CSMD1: variants seen among roughly 807,000 people sequenced by gnomAD.
CSMD1 encodes CUB and Sushi multiple domains 1.
Under a neutral mutation model 417.5 loss-of-function variants are expected in CSMD1, and 213 were observed. The ratio of observed to expected loss-of-function variants is 0.51; its 90% CI spans 0.46 to 0.57. The LOEUF (loss-of-function observed/expected upper bound fraction) is 0.57, where lower values mean the gene tolerates loss of function less well. Ranked by LOEUF, CSMD1 falls within the 20% of genes least tolerant of loss-of-function variation. The pLI is 0.00. For synonymous variants in CSMD1, 2,862 were observed against 1,736.8 expected (o/e 1.65, Z -16.11); for missense variants, 6,923 against 4,529.7 (o/e 1.53, Z -15.17).
rs1438996997 is a variant in CSMD1 at position 3,439,165 on chromosome 8, A to C, written c.1561+29547T>G. 3.5e-5 allele frequency among the ~76,000 whole-genome samples: 5 copies of C among 142,710 alleles called. No homozygotes were observed. In the South Asian group the frequency reaches 6.6e-4, roughly 19 times the overall value. The allele number at this position is 142,710 out of a possible 152,430, so 93.6% of individuals were successfully genotyped here. On this transcript the variant is annotated intron_variant, in intron 12 of 69. Transcript: ENST00000635120. Reference sequence around the variant, plus strand: ...AAAAAAAAAAAAACCAAGAAAAAAAAAAGAAAAAGAAAAAAATTGCCAAAC... The same window carrying C: ...AAAAAAAAAAAAACCAAGAAAAAAACAAGAAAAAGAAAAAAATTGCCAAAC...
intron 2 of CSMD1, among the ~76,000 whole-genome samples, chr8:4,423,031 C>T (rs1284393866): frequency 6.6e-6 from 1 of 151,874 alleles, no homozygotes; most frequent in Non-Finnish European, 1.5e-5. Flanking sequence ...TCTTCTCCAA[C>T]TTGACAAAGA....
At chr8:3,733,195 ACACACACACACT>A (rs1236734793) in intron 6 of CSMD1, among the ~76,000 whole-genome samples, 6 of 147,436 alleles carry the variant, frequency 4.1e-5, no homozygotes, top group African/African-American at 1.3e-4. Context: ...ACACACACAC[ACACACACACACT>A]CTCTCTCTCT....
chr8:3,709,074 G>A (rs747902240), intron 6 of CSMD1, among the ~76,000 whole-genome samples: 1 of 151,792 alleles, frequency 6.6e-6, no homozygotes, highest in African/African-American at 2.4e-5. Context: ...AGAGGTCCTG[G>A]CTTCTAGCAT....
intron 7 of CSMD1, among the ~76,000 whole-genome samples, chr8:3,644,986 A>T (rs988248335): frequency 6.6e-6 from 1 of 151,388 alleles, no homozygotes; most frequent in African/African-American, 2.4e-5. Flanking sequence ...AAAAAAAAAA[A>T]AAAAAGTCAA....
intron 23 of CSMD1, among the ~76,000 whole-genome samples, chr8:3,340,947 C>A (rs1483372281): frequency 1.3e-5 from 2 of 152,150 alleles, no homozygotes; most frequent in Non-Finnish European, 2.9e-5. Flanking sequence ...CCAATCCTCT[C>A]CAATATTTCT....
chr8:4,199,097 C>T (rs1799503729), intron 3 of CSMD1, among the ~76,000 whole-genome samples: 1 of 152,148 alleles, frequency 6.6e-6, no homozygotes, highest in Admixed American at 6.5e-5. Flanking sequence ...GCCCAGCTCA[C>T]CCTGAGCTTC....
At chr8:4,318,722 A>T (rs1031625416) in intron 3 of CSMD1, among the ~76,000 whole-genome samples, 4 of 151,830 alleles carry the variant, frequency 2.6e-5, no homozygotes, top group African/African-American at 9.7e-5. Flanking sequence ...TCAAAAAAAA[A>T]AAAAAGCCAC....
intron 36 of CSMD1, 61 bp downstream of exon 36, chr8:3,187,808 T>C (rs1796150966): frequency 8.2e-7 from 1 of 1,223,002 alleles, no homozygotes; most frequent in Non-Finnish European, 1.2e-6. Flanking sequence ...GTTATTTATG[T>C]TGTTTTCTTG....
At chr8:4,191,265 A>C (rs1451870151) in intron 3 of CSMD1, among the ~76,000 whole-genome samples, 1 of 151,948 alleles carries the variant, frequency 6.6e-6, no homozygotes, top group Non-Finnish European at 1.5e-5. Flanking sequence ...GCATGGTGGC[A>C]GGCACCTGTA....
At chr8:4,927,184 G>A (rs974694363) in intron 1 of CSMD1, among the ~76,000 whole-genome samples, 1 of 151,048 alleles carries the variant, frequency 6.6e-6, no homozygotes, top group Admixed American at 6.6e-5. Flanking sequence ...TCAGCTCAGG[G>A]CAATCTCCAC....
At position 4,100,830 on chromosome 8, in the gene CSMD1, A is replaced by C. The variant is rs1563124208; in HGVS notation, c.416-68731T>G. ...AAAGTTAAAAGTTAAACATGTATAAACTGTAAAAGCAAGAGCCTCAGAGAC... is the reference window on the plus strand; with the variant it reads ...AAAGTTAAAAGTTAAACATGTATAACCTGTAAAAGCAAGAGCCTCAGAGAC... On this transcript the variant is annotated intron_variant, in intron 3 of 69. Transcript: ENST00000635120. Among the ~76,000 whole-genome samples the C allele has an allele frequency of 2.6e-5, 4 of 152,192 alleles. 1 individual carries two copies. The South Asian group carries it at 8.3e-4, about 32-fold the overall frequency.
At chr8:4,037,694 G>C (rs112936069) in intron 3 of CSMD1, among the ~76,000 whole-genome samples, 12 of 152,248 alleles carry the variant, frequency 7.9e-5, no homozygotes, top group African/African-American at 2.2e-4. Context: ...AAGGTGTGAA[G>C]ATTGAATGAG....
At chr8:4,429,278 A>G (rs904965611) in intron 2 of CSMD1, among the ~76,000 whole-genome samples, 3 of 152,082 alleles carry the variant, frequency 2.0e-5, no homozygotes, top group South Asian at 2.1e-4. Flanking sequence ...TTCTTGTTGA[A>G]GAGAATAATT....
intron 6 of CSMD1, among the ~76,000 whole-genome samples, chr8:3,721,636 A>T (rs1393355192): frequency 6.6e-6 from 1 of 152,158 alleles, no homozygotes; most frequent in Non-Finnish European, 1.5e-5. Flanking sequence ...TATTTTGCAA[A>T]TACCTTTATT....
At chr8:3,913,049 G>C (rs1032829877) in intron 5 of CSMD1, among the ~76,000 whole-genome samples, 29 of 152,144 alleles carry the variant, frequency 1.9e-4, no homozygotes, top group African/African-American at 7.0e-4. Context: ...GACTTTAGCA[G>C]CAGGGCAACA....
chr8:3,698,736 G>T (rs1800693141), intron 7 of CSMD1, among the ~76,000 whole-genome samples: 1 of 152,198 alleles, frequency 6.6e-6, no homozygotes, highest in Non-Finnish European at 1.5e-5. Flanking sequence ...GAGTAAAGAG[G>T]ATCATGTTCA....
intron 1 of CSMD1, among the ~76,000 whole-genome samples, chr8:4,707,633 T>C (rs1354373286): frequency 1.3e-5 from 2 of 151,994 alleles, no homozygotes; most frequent in Non-Finnish European, 2.9e-5. Flanking sequence ...ACTCCTGTAA[T>C]CCCAGCACTT....
chr8:4,037,561 A>G (rs920263811), intron 3 of CSMD1, among the ~76,000 whole-genome samples: 5 of 152,254 alleles, frequency 3.3e-5, no homozygotes, highest in Middle Eastern at 6.8e-3. Flanking sequence ...AGCCTTTGCA[A>G]GGTGCCGTTT....
chr8:3,470,929 G>C (rs1055289347), intron 11 of CSMD1, among the ~76,000 whole-genome samples: 8 of 152,132 alleles, frequency 5.3e-5, no homozygotes, highest in Admixed American at 2.0e-4. Flanking sequence ...CCTGGTAAAG[G>C]GTATTTGGAC....
Sources: gnomAD v4.1 joint callset for allele counts (sites outside exome capture counted in the v4.1 genomes callset) on GRCh38, gnomAD v4.1.1 for gene constraint, MANE v1.5 for transcripts, NCBI Gene and HGNC (gene_info 2026-07-23, HGNC 2026-07-21) for gene names.